MS4A15: variants seen among roughly 807,000 people sequenced by gnomAD.
MS4A15 encodes the protein membrane-spanning 4-domains subfamily A member 15.
A neutral mutation model predicts 20.6 loss-of-function variants in MS4A15; 22 were observed. The observed-to-expected ratio is 1.07, with a 90% CI of 0.76 to 1.52. MS4A15 has a LOEUF of 1.52. Among genes scored for constraint, MS4A15 ranks in the 40% most tolerant of loss-of-function variants. The pLI is 0.00. For missense variants in MS4A15, 312 were observed against 323.0 expected, an observed-to-expected ratio of 0.97 and a Z score of 0.26; for synonymous variants, 129 against 129.3, an observed-to-expected ratio of 1.00 and a Z score of 0.02.
At chr11:60,771,789 CAGAG>C (rs1342627026) in intron 4 of MS4A15, 9 of 1,203,632 alleles carry the variant, frequency 7.5e-6, no homozygotes, top group African/African-American at 4.8e-5. Flanking sequence ...AGAAATCAGA[CAGAG>C]AGATTTAATC....
At position 60,757,035 on chromosome 11, in the gene MS4A15, C is replaced by G. The variant is rs886794120; in HGVS notation, c.-52C>G. On this transcript the variant is annotated 5_prime_UTR_variant, in exon 1 of 7. Transcript: ENST00000405633. ...TGAAGTTACGCTTGAAGGAGGAAAACTCATCAATTTTCGGGGAATCCCGGT... is the reference window on the plus strand; with the variant it reads ...TGAAGTTACGCTTGAAGGAGGAAAAGTCATCAATTTTCGGGGAATCCCGGT... 6.6e-6 allele frequency: 1 copy of G among 152,178 alleles called. No homozygotes were observed. Among genetic ancestry groups the G allele is most frequent in the Non-Finnish European group, 1.5e-5 (1 of 68,050 alleles). The allele number at this position is 152,178 out of a possible 1,614,324, so 9.4% of individuals were successfully genotyped here. A position where few individuals can be genotyped will look rare whatever the true frequency, so the allele number is the denominator to read the frequency against.
chr11:60,775,707 G>A lies in MS4A15; in HGVS notation c.715G>A (p.Val239Ile), dbSNP rs1416784273. Residue 239 changes from valine to isoleucine, a missense_variant, in exon 7 of 7, where the codon GTC (valine) becomes ATC (isoleucine). Transcript: ENST00000405633. ...TGACAATGTGGCATATGCCCAAGGAGTCGTCTGAGTAGCAGATGTGGCACC... is the reference window on the plus strand; with the variant it reads ...TGACAATGTGGCATATGCCCAAGGAATCGTCTGAGTAGCAGATGTGGCACC... ...AYDNVAYAQG[V>I]V 3.7e-6 allele frequency: 6 copies of A among 1,613,080 alleles called. No homozygotes were observed. The East Asian group carries it at 1.1e-4, about 30-fold the overall frequency.
chr11:60,763,248 G>A (rs941298169), intron 1 of MS4A15, among the ~76,000 whole-genome samples: 1 of 152,092 alleles, frequency 6.6e-6, no homozygotes, highest in African/African-American at 2.4e-5. Flanking sequence ...CCCATACCCA[G>A]GGGAATTATT....
intron 1 of MS4A15, among the ~76,000 whole-genome samples, chr11:60,761,519 C>T (rs946167701): frequency 1.3e-5 from 2 of 152,130 alleles, no homozygotes; most frequent in African/African-American, 4.8e-5. Context: ...GATAATGGCA[C>T]CTTACTTGAT....
chr11:60,758,252 C>T (rs1853640723), intron 1 of MS4A15, among the ~76,000 whole-genome samples: 1 of 132,374 alleles, frequency 7.6e-6, no homozygotes, highest in South Asian at 2.3e-4. Flanking sequence ...GCTAGCAATA[C>T]AAACATAAAA....
chr11:60,773,760 G>T, intron 5 of MS4A15, 77 bp from the exon 6 acceptor site: 1 of 1,215,450 alleles, frequency 8.2e-7, no homozygotes, highest in Non-Finnish European at 1.2e-6. Flanking sequence ...GCATGACCTT[G>T]GGCAAGTGGT....
chr11:60,771,013 CAGTAAATGTTTGATG>C (rs1187627000), intron 3 of MS4A15, among the ~76,000 whole-genome samples: 2 of 152,178 alleles, frequency 1.3e-5, no homozygotes, highest in Non-Finnish European at 2.9e-5. Flanking sequence ...CAGCCTCACT[CAGTAAATGTTTGATG>C]AGTGAATGTT....
intron 3 of MS4A15, 57 bp downstream of exon 3, chr11:60,767,712 TC>T: frequency 1.4e-6 from 2 of 1,465,892 alleles, no homozygotes. Context: ...GGCTCACCTC[TC>T]CCCCACGCGC....
At chr11:60,759,653 G>A (rs564583247) in intron 1 of MS4A15, among the ~76,000 whole-genome samples, 18 of 151,400 alleles carry the variant, frequency 1.2e-4, no homozygotes, top group Middle Eastern at 3.4e-3. Flanking sequence ...CCGACTATTC[G>A]TTCTATTCTG....
At position 60,775,927 on chromosome 11, in the gene MS4A15, C is replaced by T. The variant is rs756747480; in HGVS notation, c.*212C>T. 1.6e-4 allele frequency: 75 copies of T among 461,368 alleles called. No individual in the cohort carries two copies. Among genetic ancestry groups the T allele is most frequent in the South Asian group, 7.4e-4 (18 of 24,380 alleles). The allele number at this position is 461,368 out of a possible 1,614,324, so 28.6% of individuals were successfully genotyped here. A position where few individuals can be genotyped will look rare whatever the true frequency, so the allele number is the denominator to read the frequency against. On this transcript the variant is annotated 3_prime_UTR_variant, in exon 7 of 7. Transcript: ENST00000405633. The stretch of plus-strand genomic sequence containing the variant: ...TTCTTTCTAAAAGACACCGGGCTGA[C>T]GTCAGGGGTGTGTGTCCTTCAGCTC...
chr11:60,767,549 T>G lies in MS4A15; in HGVS notation c.242T>G (p.Ile81Ser). 1 of 1,547,528 alleles carries G rather than the reference T, an allele frequency of 6.5e-7. No homozygotes were observed. The highest frequency in any genetic ancestry group is 1.2e-5 in the South Asian group (1 of 82,964). ...TTCCCGCAGACGGTGCAGATCCTCA[T>G]CGGCCTCATCCACCTAGGCTTTGGC... ...PKVLGTVQILIGLIHLGFGSV... is the reference protein window; with the variant it reads ...PKVLGTVQILSGLIHLGFGSV... The change falls in exon 3 of 7, where the codon ATC becomes AGC. Residue 81 changes from isoleucine (I) to serine (S), a missense_variant. Coordinates refer to ENST00000405633, the MANE Select transcript of MS4A15 (RefSeq NM_001098835.2).
At chr11:60,775,322 A>AAAAAAAGAAAAAAG (rs58950981) in intron 6 of MS4A15, among the ~76,000 whole-genome samples, 1 of 147,700 alleles carries the variant, frequency 6.8e-6, no homozygotes, top group East Asian at 2.0e-4. Context: ...TGTCTCAAAA[A>AAAAAAAGAAAAAAG]AAAAAAGAAA....
intron 1 of MS4A15, among the ~76,000 whole-genome samples, chr11:60,757,955 C>T (rs1053019595): frequency 4.6e-5 from 7 of 152,086 alleles, no homozygotes; most frequent in Non-Finnish European, 7.4e-5. Flanking sequence ...GAAAAGTATC[C>T]GTGAAAACAG....
intron 1 of MS4A15, among the ~76,000 whole-genome samples, chr11:60,757,290 G>C (rs902260921): frequency 3.3e-5 from 5 of 152,206 alleles, no homozygotes; most frequent in Admixed American, 6.5e-5. Flanking sequence ...CCTTAGACTT[G>C]AGTTATGGAG....
intron 1 of MS4A15, among the ~76,000 whole-genome samples, chr11:60,761,421 C>T (rs1179191818): frequency 6.6e-6 from 1 of 152,206 alleles, no homozygotes; most frequent in Non-Finnish European, 1.5e-5. Context: ...TTCCTATATG[C>T]CGTCTGAGTA....
chr11:60,771,518 T>C (rs74350083), intron 4 of MS4A15, 171 bp downstream of exon 4: 38,739 of 1,535,396 alleles, frequency 0.025, 731 homozygotes, highest in African/African-American at 0.08. Flanking sequence ...AGACTGTGCA[T>C]GTCCAGGAGA....
intron 4 of MS4A15, among the ~76,000 whole-genome samples, chr11:60,772,813 C>T (rs990384901): frequency 1.7e-4 from 26 of 152,138 alleles, no homozygotes; most frequent in African/African-American, 6.0e-4. Flanking sequence ...GCTCTTTAGA[C>T]CCTGGAGTCC....
In MS4A15 at chr11:60,767,516, C is replaced by G. The variant is rs767781806; in HGVS notation, c.226-17C>G. On this transcript the variant is annotated splice_polypyrimidine_tract_variant and intron_variant, in intron 2 of 6. Coordinates refer to ENST00000405633, the MANE Select transcript of MS4A15 (RefSeq NM_001098835.2). Reference sequence around the variant, plus strand: ...TGGAACAGGGCCCGCGGCACTGAGCCTCGGGGCTTCCCGCAGACGGTGCAG... The same window carrying G: ...TGGAACAGGGCCCGCGGCACTGAGCGTCGGGGCTTCCCGCAGACGGTGCAG... The G allele has an allele frequency of 1.3e-6, 2 of 1,508,020 alleles. No individual in the cohort carries two copies. Among genetic ancestry groups the G allele is most frequent in the Non-Finnish European group, 1.8e-6 (2 of 1,121,676 alleles). 93.4% of individuals were successfully genotyped at this position (1,508,020 alleles called of 1,614,324 possible).
intron 4 of MS4A15, among the ~76,000 whole-genome samples, chr11:60,772,973 G>A (rs923053203): frequency 6.6e-6 from 1 of 152,144 alleles, no homozygotes; most frequent in Non-Finnish European, 1.5e-5. Flanking sequence ...CTCCCAACCA[G>A]GCCTCAGTGT....
Sources: gnomAD v4.1 joint callset for allele counts (sites outside exome capture counted in the v4.1 genomes callset) on GRCh38, gnomAD v4.1.1 for gene constraint, MANE v1.5 for transcripts, NCBI Gene and HGNC (gene_info 2026-07-23, HGNC 2026-07-21) for gene names.